Variants in LRPAP1 observed in about 807,000 individuals in gnomAD.
LRPAP1 encodes alpha-2-macroglobulin receptor-associated protein.
LRPAP1 carries 41 observed loss-of-function variants against 39.9 expected under a neutral mutation model. That is an observed-to-expected ratio of 1.03 (90% CI 0.80 to 1.33). LRPAP1 has a LOEUF of 1.33. Among genes scored for constraint, LRPAP1 ranks in the 40% most tolerant of loss-of-function variants. LRPAP1 has a pLI of 0.00. For missense variants in LRPAP1, 565 were observed against 482.3 expected, an observed-to-expected ratio of 1.17 and a Z score of -1.61; for synonymous variants, 263 against 212.7, an observed-to-expected ratio of 1.24 and a Z score of -2.06.
chr4:3,511,393 A>C lies in LRPAP1; in HGVS notation c.*1581T>G, dbSNP rs1223452773. 3 of 152,198 alleles carry C rather than the reference A, an allele frequency of 2.0e-5. No homozygotes were observed. Among genetic ancestry groups the C allele is most frequent in the Non-Finnish European group, 4.4e-5 (3 of 68,068 alleles). The allele number at this position is 152,198 out of a possible 1,614,324, so 9.4% of individuals were successfully genotyped here. A position where few individuals can be genotyped will look rare whatever the true frequency, so the allele number is the denominator to read the frequency against. ...GGAATACTATACAGCAATGAAAAGGAACACACTTCTGCTAGATGACAGGGC... is the reference window on the plus strand; with the variant it reads ...GGAATACTATACAGCAATGAAAAGGCACACACTTCTGCTAGATGACAGGGC... On this transcript the variant is annotated 3_prime_UTR_variant, in exon 8 of 8. Transcript: ENST00000650182.
intron 7 of LRPAP1, among the ~76,000 whole-genome samples, chr4:3,514,147 C>A (rs934666320): frequency 1.3e-5 from 2 of 152,262 alleles, no homozygotes; most frequent in Admixed American, 6.5e-5. Flanking sequence ...CCAGGCAGAC[C>A]CGCACCACCC....
In LRPAP1 at chr4:3,508,906, C is replaced by T. The variant is rs947737948; in HGVS notation, c.*4068G>A. 4 of 151,952 alleles carry T rather than the reference C, an allele frequency of 2.6e-5. No individual in the cohort carries two copies. Among genetic ancestry groups the T allele is most frequent in the East Asian group, 1.9e-4 (1 of 5,174 alleles). The allele number at this position is 151,952 out of a possible 1,614,324, so 9.4% of individuals were successfully genotyped here. A position where few individuals can be genotyped will look rare whatever the true frequency, so the allele number is the denominator to read the frequency against. ...TCACCTCACCAGTGCAGTGAGAAGCCGAGGCACAGACTGACAAGGGGAAGC... is the reference window on the plus strand; with the variant it reads ...TCACCTCACCAGTGCAGTGAGAAGCTGAGGCACAGACTGACAAGGGGAAGC... On this transcript the variant is annotated 3_prime_UTR_variant, in exon 8 of 8. Transcript: ENST00000650182.
intron 1 of LRPAP1, among the ~76,000 whole-genome samples, chr4:3,531,229 C>T (rs1560263564): frequency 1.3e-5 from 2 of 152,162 alleles, no homozygotes; most frequent in Non-Finnish European, 2.9e-5. Flanking sequence ...GATGCCCAGG[C>T]GTCAATCCCC....
Position 3,520,057 on chromosome 4 carries a change from A to G in LRPAP1, c.471+15T>C. On this transcript the variant is annotated intron_variant, in intron 3 of 7. Coordinates refer to ENST00000650182, the MANE Select transcript of LRPAP1 (RefSeq NM_002337.4). ...GGCACCAATTCTGCAAGGTATGCAA[A>G]CAATCGAAGAGTACCTTGTGCCACA... 2 of 1,613,244 alleles carry G rather than the reference A, an allele frequency of 1.2e-6. No individual in the cohort carries two copies. The highest frequency in any genetic ancestry group is 2.7e-5 in the African/African-American group (2 of 75,004).
chr4:3,512,868 C>T lies in LRPAP1; in HGVS notation c.*106G>A, dbSNP rs1729572617. On this transcript the variant is annotated 3_prime_UTR_variant, in exon 8 of 8. Coordinates refer to ENST00000650182, the MANE Select transcript of LRPAP1 (RefSeq NM_002337.4). Reference sequence around the variant, plus strand: ...ATCCTTCCTGCCTCGACACCCGTGCCAGCCCCAGCCACCCTGACGGCGGGC... The same window carrying T: ...ATCCTTCCTGCCTCGACACCCGTGCTAGCCCCAGCCACCCTGACGGCGGGC... 1.0e-6 allele frequency: 1 copy of T among 971,292 alleles called. No homozygotes were observed. The highest frequency in any genetic ancestry group is 1.5e-6 in the Non-Finnish European group (1 of 651,450). The allele number at this position is 971,292 out of a possible 1,614,324, so 60.2% of individuals were successfully genotyped here.
intron 5 of LRPAP1, 50 bp from the exon 6 acceptor site, chr4:3,516,248 A>G (rs773273878): frequency 6.9e-7 from 1 of 1,449,044 alleles, no homozygotes; most frequent in South Asian, 1.2e-5. Context: ...GGTGCACACC[A>G]CAGCCAGCCC....
At chr4:3,518,517 T>G (rs568145296) in intron 4 of LRPAP1, among the ~76,000 whole-genome samples, 1 of 152,204 alleles carries the variant, frequency 6.6e-6, no homozygotes, top group African/African-American at 2.4e-5. Context: ...TCCAGCTTTG[T>G]GGGGTGGGAA....
chr4:3,518,246 C>T lies in LRPAP1; in HGVS notation c.593-54G>A, dbSNP rs181650349. 3,701 of 1,556,848 alleles carry T rather than the reference C, an allele frequency of 2.4e-3. 5 individuals carry two copies. The highest frequency in any genetic ancestry group is 2.9e-3 in the Non-Finnish European group (3,302 of 1,144,526). On this transcript the variant is annotated intron_variant, in intron 4 of 7. Coordinates refer to ENST00000650182, the MANE Select transcript of LRPAP1 (RefSeq NM_002337.4). ...GGCTGGGAGTCCTCGCACTGCCTGC[C>T]CAGACCACTGTCTAGAACGCCCACT...
rs748162910 is a variant in LRPAP1 at position 3,505,712 on chromosome 4, C to T, written c.*7262G>A. On this transcript the variant is annotated 3_prime_UTR_variant, in exon 8 of 8. Coordinates refer to ENST00000650182, the MANE Select transcript of LRPAP1 (RefSeq NM_002337.4). ...ACCAGCTACCCCAAGACCGTCTATA[C>T]CAGCTACGCCAAGACCGTCTATACC... 1.2e-4 allele frequency among the ~76,000 whole-genome samples: 18 copies of T among 152,190 alleles called. No homozygotes were observed. Among genetic ancestry groups the T allele is most frequent in the African/African-American group, 2.7e-4 (11 of 41,466 alleles).
At chr4:3,530,868 G>C (rs1224307459) in intron 1 of LRPAP1, among the ~76,000 whole-genome samples, 1 of 152,150 alleles carries the variant, frequency 6.6e-6, no homozygotes, top group African/African-American at 2.4e-5. Context: ...CTGGGTCCGA[G>C]TGCACTTCCT....
chr4:3,520,325 C>G (rs1408069552), intron 2 of LRPAP1, 132 bp from the exon 3 acceptor site: 4 of 881,670 alleles, frequency 4.5e-6, no homozygotes, highest in East Asian at 5.0e-5. Context: ...TCACCTGTTT[C>G]CTGGATGACC....
rs775892261 is a variant in LRPAP1 at position 3,532,364 on chromosome 4, G to A, written c.49C>T (p.Leu17=). 11 of 1,593,882 alleles carry A rather than the reference G, an allele frequency of 6.9e-6. No individual in the cohort carries two copies. In the Admixed American group the frequency reaches 1.7e-4, roughly 25 times the overall value. Reference sequence around the variant, plus strand: ...GGCCCGAGGAAGAGCAGCAGCAGTAGCAGCGCCGGGAGCCCGCGCAGAAAC... The same window carrying A: ...GGCCCGAGGAAGAGCAGCAGCAGTAACAGCGCCGGGAGCCCGCGCAGAAAC... The part of the protein sequence containing the change: ...RSFLRGLPAL[L]LLLLFLGPWP... The change falls in exon 1 of 8, where the codon CTA becomes TTA. Residue 17 remains leucine (L), a synonymous_variant. Transcript: ENST00000650182.
intron 1 of LRPAP1, among the ~76,000 whole-genome samples, chr4:3,531,798 C>G (rs1194790349): frequency 6.6e-6 from 1 of 152,252 alleles, no homozygotes; most frequent in South Asian, 2.1e-4. Context: ...TGTCCCTGGA[C>G]ACGTCTTTCT....
intron 1 of LRPAP1, among the ~76,000 whole-genome samples, chr4:3,529,776 G>A (rs1730194389): frequency 6.6e-6 from 1 of 152,226 alleles, no homozygotes; most frequent in Non-Finnish European, 1.5e-5. Flanking sequence ...GCCCATCAAA[G>A]GCAAAGGTTT....
At chr4:3,513,498 G>A (rs1184661598) in intron 7 of LRPAP1, among the ~76,000 whole-genome samples, 1 of 152,092 alleles carries the variant, frequency 6.6e-6, no homozygotes, top group Non-Finnish European at 1.5e-5. Context: ...TGGTAGAGAT[G>A]GGGTTCTACC....
rs994379268 is a variant in LRPAP1 at position 3,505,354 on chromosome 4, G to A, written c.*7620C>T. On this transcript the variant is annotated 3_prime_UTR_variant, in exon 8 of 8. Coordinates refer to ENST00000650182, the MANE Select transcript of LRPAP1 (RefSeq NM_002337.4). ...GCTCCAAATCCAGCATCCCTCCCCGGTGCCTAGCCCTCGCCAGGCTGCTGG... is the reference window on the plus strand; with the variant it reads ...GCTCCAAATCCAGCATCCCTCCCCGATGCCTAGCCCTCGCCAGGCTGCTGG... 1.3e-5 allele frequency among the ~76,000 whole-genome samples: 2 copies of A among 152,228 alleles called. No homozygotes were observed. The highest frequency in any genetic ancestry group is 3.9e-4 in the East Asian group (2 of 5,192).
intron 2 of LRPAP1, 139 bp from the exon 3 acceptor site, chr4:3,520,332 G>A: frequency 2.5e-6 from 2 of 808,954 alleles, no homozygotes; most frequent in Non-Finnish European, 3.9e-6. Flanking sequence ...TTTCCTGGAT[G>A]ACCACTGGAG....
chr4:3,526,729 G>T (rs115465657), intron 1 of LRPAP1, among the ~76,000 whole-genome samples: 1 of 152,206 alleles, frequency 6.6e-6, no homozygotes, highest in Non-Finnish European at 1.5e-5. Context: ...CACTCTGCCT[G>T]TATCTAGACT....
chr4:3,532,326 C>G lies in LRPAP1; in HGVS notation c.87G>C (p.Ala29=). 1 of 1,585,870 alleles carries G rather than the reference C, an allele frequency of 6.3e-7. No homozygotes were observed. The highest frequency in any genetic ancestry group is 8.6e-7 in the Non-Finnish European group (1 of 1,166,118). ...LLLFLGPWPA[A]SHGGKYSREK... ...CCCGCGAGTACTTGCCGCCGTGGCT[C>G]GCAGCGGGCCAGGGCCCGAGGAAGA... The change falls in exon 1 of 8, where the codon GCG becomes GCC. Residue 29 remains alanine, a synonymous_variant. Coordinates refer to ENST00000650182, the MANE Select transcript of LRPAP1 (RefSeq NM_002337.4).
Sources: gnomAD v4.1 joint callset for allele counts (sites outside exome capture counted in the v4.1 genomes callset) on GRCh38, gnomAD v4.1.1 for gene constraint, MANE v1.5 for transcripts, NCBI Gene and HGNC (gene_info 2026-07-23, HGNC 2026-07-21) for gene names.